SACS: variants seen among roughly 807,000 people sequenced by gnomAD.
SACS encodes the protein sacsin.
A neutral mutation model predicts 348.0 loss-of-function variants in SACS; 197 were observed. The ratio of observed to expected loss-of-function variants is 0.57; its 90% confidence interval spans 0.50 to 0.64. The LOEUF (loss-of-function observed/expected upper bound fraction) is 0.64, where lower values mean the gene tolerates loss of function less well. SACS is among the 30% of genes least tolerant of loss of function. SACS has a pLI of 0.00. For missense variants in SACS, 4,999 were observed against 5,360.8 expected (o/e 0.93, Z 2.11); for synonymous variants, 1,985 against 1,910.6 (o/e 1.04, Z -1.02).
At position 23,411,332 on chromosome 13, in the gene SACS, G is replaced by T; in HGVS notation, c.-93C>A. 8.5e-7 allele frequency: 1 copy of T among 1,173,460 alleles called. No individual in the cohort carries two copies. Among genetic ancestry groups the T allele is most frequent in the Admixed American group, 1.7e-5 (1 of 58,102 alleles). The allele number at this position is 1,173,460 out of a possible 1,614,324, so 72.7% of individuals were successfully genotyped here. On this transcript the variant is annotated 5_prime_UTR_variant, in exon 2 of 10. Coordinates refer to ENST00000382292, the MANE Select transcript of SACS (RefSeq NM_014363.6). The stretch of plus-strand genomic sequence containing the variant: ...TTCCCTCTGTGCTTCCTTTAAATGT[G>T]TACTCCAAGTTCAGCTCTTCCTGCC...
In SACS at chr13:23,332,714, C is replaced by T. The variant is rs756905186; in HGVS notation, c.11162G>A (p.Gly3721Asp). 17 of 1,613,832 alleles carry T rather than the reference C, an allele frequency of 1.1e-5. No homozygotes were observed. Among genetic ancestry groups the T allele is most frequent in the Middle Eastern group, 1.6e-4 (1 of 6,082 alleles). ...ATPLSIKEQE[G>D]SDLGPQEQLE... Reference sequence around the variant, plus strand: ...CTGTTCTTGTGGACCAAGGTCACTACCTTCTTGTTCTTTAATGCTTAAGGG... The same window carrying T: ...CTGTTCTTGTGGACCAAGGTCACTATCTTCTTGTTCTTTAATGCTTAAGGG... Residue 3721 changes from glycine (G) to aspartate (D), a missense_variant, in exon 10 of 10, where the codon GGT becomes GAT. By Grantham distance (94) the Gly-to-Asp change is moderately conservative. This residue lies in a region of SACS where 831 missense variants were observed against 941.8 expected (regional missense o/e 0.88). Coordinates refer to ENST00000382292, the MANE Select transcript of SACS (RefSeq NM_014363.6).
chr13:23,331,228 G>A lies in SACS; in HGVS notation c.12648C>T (p.Asp4216=). Reference sequence around the variant, plus strand: ...ATATCTTTCCTAGAAAACTAGAATTGTCAGCATCTTCTCTTTCAACTTCTT... The same window carrying A: ...ATATCTTTCCTAGAAAACTAGAATTATCAGCATCTTCTCTTTCAACTTCTT... The part of the protein sequence containing the change: ...IVQEVEREDA[D]NSSFLGKIYQ... The change falls in exon 10 of 10, where the codon GAC becomes GAT. Residue 4216 remains aspartate (D), a synonymous_variant. Coordinates refer to ENST00000382292, the MANE Select transcript of SACS (RefSeq NM_014363.6). The A allele has an allele frequency of 6.2e-7, 1 of 1,613,808 alleles. No individual in the cohort carries two copies. The highest frequency in any genetic ancestry group is 8.5e-7 in the Non-Finnish European group (1 of 1,179,832).
intron 2 of SACS, chr13:23,375,471 T>C (rs1224551924): frequency 1.7e-6 from 2 of 1,164,950 alleles, no homozygotes; most frequent in Non-Finnish European, 2.1e-6. Context: ...GGGATCCGCA[T>C]GGCGCAGTCC....
Position 23,337,950 on chromosome 13 carries a change from T to C in SACS, c.5926A>G (p.Thr1976Ala), listed in dbSNP as rs1868810047. Residue 1976 changes from threonine to alanine, a missense_variant, in exon 10 of 10, where the codon ACC becomes GCC. Around this residue, in one of 6 missense-constraint regions of SACS, gnomAD observed 3,156 missense variants for 3,380.1 expected, o/e 0.93. Transcript: ENST00000382292. ...GTAGATCCATCAGAGAAGACTTTGG[T>C]CAGTTCTTTCCCTTTTCCATGAGCT... is the stretch of plus-strand genomic sequence containing the variant. ...DIAHGKGKEL[T>A]KVFSDGSTWV... 4.3e-6 allele frequency: 7 copies of C among 1,614,086 alleles called. No homozygotes were observed. The highest frequency in any genetic ancestry group is 5.9e-6 in the Non-Finnish European group (7 of 1,179,988).
At chr13:23,352,421 T>C (rs1423942358) in intron 9 of SACS, among the ~76,000 whole-genome samples, 5 of 152,212 alleles carry the variant, frequency 3.3e-5, no homozygotes, top group Admixed American at 6.5e-5. Flanking sequence ...GCCAGTGTCA[T>C]GGCTACCCTG....
Position 23,333,738 on chromosome 13 carries a change from C to T in SACS, c.10138G>A (p.Val3380Ile). The change falls in exon 10 of 10, where the codon GTA (valine) becomes ATA (isoleucine). Residue 3380 changes from valine (V) to isoleucine (I), a missense_variant. Around this residue, in one of 6 missense-constraint regions of SACS, gnomAD observed 734 missense variants for 694.0 expected, o/e 1.06. Coordinates refer to ENST00000382292, the MANE Select transcript of SACS (RefSeq NM_014363.6). ...AAAAGTGCCTCAAAATCATTTTCTA[C>T]TAATTTTTCTGCTCTAAATGTTGAA... Reference protein sequence around the residue: ...QTSTFRAEKLVENDFEALLMY... With the variant: ...QTSTFRAEKLIENDFEALLMY... 1 of 1,613,810 alleles carries T rather than the reference C, an allele frequency of 6.2e-7. No individual in the cohort carries two copies. The highest frequency in any genetic ancestry group is 2.2e-5 in the East Asian group (1 of 44,878).
chr13:23,355,584 T>C lies in SACS; in HGVS notation c.1028A>G (p.His343Arg), dbSNP rs1340439183. Residue 343 changes from histidine (H) to arginine (R), a missense_variant, in exon 8 of 10, where the codon CAT (histidine) becomes CGT (arginine). Around this residue, in one of 6 missense-constraint regions of SACS, gnomAD observed 3,156 missense variants for 3,380.1 expected, o/e 0.93. Coordinates refer to ENST00000382292, the MANE Select transcript of SACS (RefSeq NM_014363.6). ...VTSSESKALK[H>R]ERPNSIKILG... Reference sequence around the variant, plus strand: ...AATCTTTATAGAATTCGGCCGCTCATGTTTCAGTGCCTTACTCTCACTCGA... The same window carrying C: ...AATCTTTATAGAATTCGGCCGCTCACGTTTCAGTGCCTTACTCTCACTCGA... 6.2e-7 allele frequency: 1 copy of C among 1,614,214 alleles called. No individual in the cohort carries two copies. The highest frequency in any genetic ancestry group is 1.7e-5 in the Admixed American group (1 of 60,024).
At position 23,411,344 on chromosome 13, in the gene SACS, C is replaced by G; in HGVS notation, c.-105G>C. 9.6e-7 allele frequency: 1 copy of G among 1,043,054 alleles called. No individual in the cohort carries two copies. The highest frequency in any genetic ancestry group is 1.6e-5 in the African/African-American group (1 of 64,256). The allele number at this position is 1,043,054 out of a possible 1,614,324, so 64.6% of individuals were successfully genotyped here. A position where few individuals can be genotyped will look rare whatever the true frequency, so the allele number is the denominator to read the frequency against. Reference sequence around the variant, plus strand: ...TTCCTTTAAATGTGTACTCCAAGTTCAGCTCTTCCTGCCAGGTGGAAAAAA... The same window carrying G: ...TTCCTTTAAATGTGTACTCCAAGTTGAGCTCTTCCTGCCAGGTGGAAAAAA... On this transcript the variant is annotated 5_prime_UTR_variant, in exon 2 of 10. Coordinates refer to ENST00000382292, the MANE Select transcript of SACS (RefSeq NM_014363.6).
chr13:23,429,612 C>G (rs1179050765), intron 1 of SACS, among the ~76,000 whole-genome samples: 1 of 151,794 alleles, frequency 6.6e-6, no homozygotes, highest in Non-Finnish European at 1.5e-5. Flanking sequence ...ATCTGCCCAC[C>G]TGGCCCTCCC....
In SACS at chr13:23,336,834, G is replaced by A. The variant is rs919827837; in HGVS notation, c.7042C>T (p.Leu2348=). ...IDKLKPFSFI[L]VENAYVDSEK... ...GAGTCAACATATGCATTCTCAACTA[G>A]AATGAAGCTAAAGGGTTTTAACTTA... is the stretch of plus-strand genomic sequence containing the variant. Residue 2348 remains leucine, a synonymous_variant, in exon 10 of 10, where the codon CTA becomes TTA. Transcript: ENST00000382292. 6.8e-6 allele frequency: 11 copies of A among 1,613,518 alleles called. No homozygotes were observed. The Admixed American group carries it at 1.0e-4, about 15-fold the overall frequency.
chr13:23,345,256 C>T (rs1248362050), intron 9 of SACS, among the ~76,000 whole-genome samples: 1 of 152,094 alleles, frequency 6.6e-6, no homozygotes, highest in Non-Finnish European at 1.5e-5. Context: ...AAATGGTGTA[C>T]TGTAGATCAG....
At chr13:23,412,275 T>G (rs1873520627) in intron 1 of SACS, among the ~76,000 whole-genome samples, 2 of 152,014 alleles carry the variant, frequency 1.3e-5, no homozygotes, top group South Asian at 4.1e-4. Context: ...AAAAATAAAA[T>G]TAGAAGTACA....
rs1002701621 is a variant in SACS, at chr13:23,338,553, C to T, written c.5323G>A (p.Ala1775Thr). Reference sequence around the variant, plus strand: ...CTAAAAAGTGGCGACTGTAAATCAGCAATCCTTCTGAACACATGGTGAAAT... The same window carrying T: ...CTAAAAAGTGGCGACTGTAAATCAGTAATCCTTCTGAACACATGGTGAAAT... Reference protein sequence around the residue: ...EEFHHVFRRIADLQSPLFRGP... With the variant: ...EEFHHVFRRITDLQSPLFRGP... The change falls in exon 10 of 10, where the codon GCT becomes ACT. Residue 1775 changes from alanine (A) to threonine (T), a missense_variant. This residue lies in a region of SACS where 3,156 missense variants were observed against 3,380.1 expected (regional missense o/e 0.93). Transcript: ENST00000382292. 53 of 1,613,990 alleles carry T rather than the reference C, an allele frequency of 3.3e-5. No homozygotes were observed. The highest frequency in any genetic ancestry group is 4.2e-5 in the Non-Finnish European group (50 of 1,179,992).
intron 2 of SACS, among the ~76,000 whole-genome samples, chr13:23,379,101 G>A (rs1871933875): frequency 6.6e-6 from 1 of 152,148 alleles, no homozygotes; most frequent in Admixed American, 6.5e-5. Context: ...TCCTCTACCA[G>A]GCTCCCTGGT....
intron 2 of SACS, among the ~76,000 whole-genome samples, chr13:23,410,899 A>G (rs1409716629): frequency 6.6e-6 from 1 of 152,222 alleles, no homozygotes; most frequent in Non-Finnish European, 1.5e-5. Context: ...TTTCCAAACA[A>G]TCATATGGCA....
At chr13:23,394,699 C>CA (rs1182176877) in intron 2 of SACS, among the ~76,000 whole-genome samples, 6 of 152,058 alleles carry the variant, frequency 3.9e-5, no homozygotes, top group African/African-American at 1.2e-4. Flanking sequence ...GCTAAAAATA[C>CA]AAAAAATTAG....
At chr13:23,377,089 T>C (rs188916440) in intron 2 of SACS, among the ~76,000 whole-genome samples, 2 of 152,208 alleles carry the variant, frequency 1.3e-5, no homozygotes, top group African/African-American at 2.4e-5. Flanking sequence ...ACGTCCAGAA[T>C]TGGCAAACCC....
At chr13:23,365,714 A>T (rs1871023070) in intron 5 of SACS, among the ~76,000 whole-genome samples, 1 of 152,328 alleles carries the variant, frequency 6.6e-6, no homozygotes, top group Non-Finnish European at 1.5e-5. Flanking sequence ...ACCTTTCCAC[A>T]GAAAAACAAT....
In SACS at chr13:23,339,788, A is replaced by G. The variant is rs765611700; in HGVS notation, c.4088T>C (p.Ile1363Thr). Residue 1363 changes from isoleucine to threonine, a missense_variant, in exon 10 of 10, where the codon ATC becomes ACC. Physicochemically the swap from Ile to Thr is moderately conservative, Grantham distance 89 (BLOSUM62 -1). Coordinates refer to ENST00000382292, the MANE Select transcript of SACS (RefSeq NM_014363.6). Reference sequence around the variant, plus strand: ...AATCTGATTGCTATACAGCCATCTGATAATATTCAACATAAGATGAAGATT... The same window carrying G: ...AATCTGATTGCTATACAGCCATCTGGTAATATTCAACATAAGATGAAGATT... ...KQNLHLMLNI[I>T]RWLYSNQIPA... The G allele has an allele frequency of 6.2e-7, 1 of 1,613,886 alleles. No individual in the cohort carries two copies. Among genetic ancestry groups the G allele is most frequent in the Non-Finnish European group, 8.5e-7 (1 of 1,179,872 alleles).
Sources: allele counts gnomAD v4.1 joint callset (sites outside exome capture counted in the v4.1 genomes callset), GRCh38; gene constraint gnomAD v4.1.1; regional missense constraint gnomAD v4.1.1; transcripts MANE v1.5; gene names NCBI Gene and HGNC (gene_info 2026-07-23, HGNC 2026-07-21).